The following CLASP1 variants were observed in gnomAD, a reference collection of about 807,000 sequenced individuals.
CLASP1 encodes the protein CLIP-associating protein 1.
Under a neutral mutation model 192.3 loss-of-function variants are expected in CLASP1, and 38 were observed. That is an observed-to-expected ratio of 0.20 (90% CI 0.15 to 0.26). The LOEUF (loss-of-function observed/expected upper bound fraction) is 0.26. CLASP1 is among the 10% of genes least tolerant of loss of function. The probability of loss-of-function intolerance (pLI) is 1.00; values close to 1 mark genes in which losing one functional copy is unlikely to be tolerated. For missense variants in CLASP1, 1,433 were observed against 1,932.5 expected, an observed-to-expected ratio of 0.74 and a Z score of 4.85; for synonymous variants, 691 against 712.8, an observed-to-expected ratio of 0.97 and a Z score of 0.49.
intron 1 of CLASP1, among the ~76,000 whole-genome samples, chr2:121,644,955 C>CAAAAAAAAAAAAAAAAAAAA (rs1199358360): frequency 1.3e-5 from 1 of 74,324 alleles, no homozygotes; most frequent in African/African-American, 4.2e-5. Flanking sequence ...AAAACTGTCT[C>CAAAAAAAAAAAAAAAAAAAA]AAAAAAAAAA....
intron 26 of CLASP1, chr2:121,403,306 CTTCTT>C: frequency 2.4e-6 from 1 of 420,968 alleles, no homozygotes. Flanking sequence ...GGGACCATAT[CTTCTT>C]TTCTATATCC....
chr2:121,594,416 G>A (rs1364481755), intron 2 of CLASP1, among the ~76,000 whole-genome samples: 11 of 150,024 alleles, frequency 7.3e-5, no homozygotes, highest in Non-Finnish European at 1.0e-4. Context: ...TTTAAGAGAC[G>A]GAGTCTTGCT....
chr2:121,501,858 T>C (rs1007621535), intron 8 of CLASP1, among the ~76,000 whole-genome samples: 2 of 152,188 alleles, frequency 1.3e-5, no homozygotes, highest in Non-Finnish European at 2.9e-5. Flanking sequence ...ACAGTAGTAA[T>C]GATGAGGAGA....
intron 7 of CLASP1, among the ~76,000 whole-genome samples, chr2:121,514,038 G>A (rs1212008659): frequency 1.3e-5 from 2 of 152,326 alleles, no homozygotes; most frequent in East Asian, 1.9e-4. Flanking sequence ...CACCAGCATG[G>A]GGCCAGGCCT....
chr2:121,400,705 T>C (rs933842238), intron 28 of CLASP1, among the ~76,000 whole-genome samples: 2 of 152,256 alleles, frequency 1.3e-5, no homozygotes, highest in Non-Finnish European at 2.9e-5. Flanking sequence ...GGTCCTTCCA[T>C]CTTGAAATTC....
intron 2 of CLASP1, among the ~76,000 whole-genome samples, chr2:121,549,520 T>C (rs2057808054): frequency 6.6e-6 from 1 of 151,976 alleles, no homozygotes; most frequent in African/African-American, 2.4e-5. Flanking sequence ...CTGACAATAT[T>C]AGACAGATCA....
At chr2:121,595,686 T>C (rs1345054410) in intron 2 of CLASP1, among the ~76,000 whole-genome samples, 1 of 152,188 alleles carries the variant, frequency 6.6e-6, no homozygotes, top group Non-Finnish European at 1.5e-5. Context: ...GGGACTTTAT[T>C]ATCAACACTG....
chr2:121,451,332 T>G (rs1473965021), intron 15 of CLASP1, among the ~76,000 whole-genome samples: 1 of 152,256 alleles, frequency 6.6e-6, no homozygotes, highest in Non-Finnish European at 1.5e-5. Flanking sequence ...CAAAAGCTTG[T>G]GTTTTTCACA....
At chr2:121,457,136 A>G (rs2086833523) in intron 14 of CLASP1, among the ~76,000 whole-genome samples, 1 of 152,104 alleles carries the variant, frequency 6.6e-6, no homozygotes, top group South Asian at 2.1e-4. Flanking sequence ...CTAGCTAGTT[A>G]CCCAGGTTGT....
At chr2:121,394,081 G>C (rs1253662795) in intron 30 of CLASP1, among the ~76,000 whole-genome samples, 1 of 152,154 alleles carries the variant, frequency 6.6e-6, no homozygotes, top group Non-Finnish European at 1.5e-5. Context: ...CGGCCCCTAA[G>C]ATTCCCCATA....
chr2:121,454,658 T>C (rs548882166), intron 14 of CLASP1, among the ~76,000 whole-genome samples: 1 of 152,324 alleles, frequency 6.6e-6, no homozygotes, highest in African/African-American at 2.4e-5. Context: ...CTGTGAGAAA[T>C]AAATCTGTTG....
chr2:121,643,116 G>C (rs989847906), intron 1 of CLASP1, among the ~76,000 whole-genome samples: 5 of 152,218 alleles, frequency 3.3e-5, no homozygotes, highest in Non-Finnish European at 7.3e-5. Context: ...AACGCACCAT[G>C]CTATCAGATG....
At chr2:121,460,175 A>G in intron 11 of CLASP1, 50 bp from the exon 12 acceptor site, 2 of 1,415,332 alleles carry the variant, frequency 1.4e-6, no homozygotes, top group Non-Finnish European at 1.9e-6. Flanking sequence ...TCTAACACAG[A>G]CTATACACAA....
chr2:121,418,839 G>A (rs899115829), intron 22 of CLASP1, 110 bp from the exon 23 acceptor site: 15 of 769,884 alleles, frequency 1.9e-5, no homozygotes, highest in African/African-American at 3.4e-5. Flanking sequence ...CATTGTTCGC[G>A]CTGGGGAGTT....
chr2:121,513,991 G>A (rs2094215542), intron 7 of CLASP1, among the ~76,000 whole-genome samples: 1 of 152,232 alleles, frequency 6.6e-6, no homozygotes, highest in Non-Finnish European at 1.5e-5. Flanking sequence ...CACTTGTTGG[G>A]AATGGTGGGG....
intron 16 of CLASP1, among the ~76,000 whole-genome samples, chr2:121,450,053 T>C (rs750644490): frequency 6.6e-6 from 1 of 152,182 alleles, no homozygotes; most frequent in Non-Finnish European, 1.5e-5. Flanking sequence ...TTTCCAAGGC[T>C]GGACACAGTG....
intron 30 of CLASP1, among the ~76,000 whole-genome samples, chr2:121,396,590 A>G (rs1157275661): frequency 6.6e-6 from 1 of 152,218 alleles, no homozygotes; most frequent in African/African-American, 2.4e-5. Flanking sequence ...TTTGTCCCAA[A>G]CAGGTCCTAA....
chr2:121,576,285 A>C (rs1023022920), intron 2 of CLASP1, among the ~76,000 whole-genome samples: 4 of 152,232 alleles, frequency 2.6e-5, no homozygotes, highest in Non-Finnish European at 4.4e-5. Context: ...AAATGTTACA[A>C]GGTAAAGCTT....
At chr2:121,508,344 C>T (rs1033361042) in intron 7 of CLASP1, among the ~76,000 whole-genome samples, 3 of 152,124 alleles carry the variant, frequency 2.0e-5, no homozygotes, top group Admixed American at 2.0e-4. Context: ...CCCAGAGCAA[C>T]TGCGAATAAT....
Sources: allele counts gnomAD v4.1 joint callset (sites outside exome capture counted in the v4.1 genomes callset), GRCh38; gene constraint gnomAD v4.1.1; transcripts MANE v1.5; gene names NCBI Gene and HGNC (gene_info 2026-07-23, HGNC 2026-07-21).